The following EEF1D variants were observed in gnomAD, a reference collection of about 807,000 sequenced individuals.
EEF1D encodes the protein eukaryotic translation elongation factor 1 delta.
EEF1D carries 47 observed loss-of-function variants against 63.9 expected under a neutral mutation model. The ratio of observed to expected loss-of-function variants is 0.74; its 90% CI spans 0.58 to 0.94. The LOEUF (loss-of-function observed/expected upper bound fraction) is 0.94, where lower values mean the gene tolerates loss of function less well. Ranked by LOEUF, EEF1D falls within the 40% of genes least tolerant of loss-of-function variation. The pLI, the probability that EEF1D is intolerant of heterozygous loss-of-function variation, is 0.00. For synonymous variants in EEF1D, 412 were observed against 386.1 expected (o/e 1.07, Z -0.79); for missense variants, 907 against 899.0 (o/e 1.01, Z -0.11).
Position 143,580,198 on chromosome 8 carries a change from A to C in EEF1D, c.1719T>G (p.Asp573Glu). 3 of 1,612,986 alleles carry C rather than the reference A, an allele frequency of 1.9e-6. No individual in the cohort carries two copies. The highest frequency in any genetic ancestry group is 2.5e-6 in the Non-Finnish European group (3 of 1,179,514). ...SILLDVKPWDDETDMAQLEAC... is the reference protein window; with the variant it reads ...SILLDVKPWDEETDMAQLEAC... Reference sequence around the variant, plus strand: ...CCTCCAGCTGGGCCATGTCCGTCTCATCATCCCACTGTGGGGAAAGGGGAG... The same window carrying C: ...CCTCCAGCTGGGCCATGTCCGTCTCCTCATCCCACTGTGGGGAAAGGGGAG... Residue 573 changes from aspartate to glutamate, a missense_variant, in exon 9 of 10, where the codon GAT (aspartate) becomes GAG (glutamate). Asp to Glu is a conservative substitution (Grantham distance 45, BLOSUM62 2). Coordinates refer to ENST00000618139, the MANE Select transcript of EEF1D (RefSeq NM_001130053.5).
At chr8:143,586,136 A>C in intron 5 of EEF1D, 83 bp downstream of exon 5, 1 of 1,383,584 alleles carries the variant, frequency 7.2e-7, no homozygotes, top group Non-Finnish European at 1.0e-6. Flanking sequence ...TGTGAAGCCA[A>C]AACAACCAGC....
chr8:143,587,010 G>GCAT, intron 3 of EEF1D, 158 bp from the exon 4 acceptor site: 1 of 939,874 alleles, frequency 1.1e-6, no homozygotes, highest in Non-Finnish European at 1.6e-6. Flanking sequence ...ACCCCACATG[G>GCAT]CATCCCCAGG....
At chr8:143,588,683 G>C in intron 3 of EEF1D, 1 of 442,152 alleles carries the variant, frequency 2.3e-6, no homozygotes, top group Non-Finnish European at 4.1e-6. Context: ...AGCCACAGGG[G>C]ACTTGGGGAG....
chr8:143,581,581 G>A (rs1825576060), intron 5 of EEF1D: 2 of 561,686 alleles, frequency 3.6e-6, no homozygotes, highest in South Asian at 2.3e-5. Flanking sequence ...GTGGGGAGCT[G>A]GGCCATGGCT....
In EEF1D at chr8:143,589,597, C is replaced by T. The variant is rs747410243; in HGVS notation, c.485G>A (p.Gly162Glu). The part of the protein sequence containing the change: ...NQVACHHVTW[G>E]IWVNKSSFDQ... ...GAAGGAGGACTTGTTGACCCAGATC[C>T]CCCAGGTCACGTGGTGGCAGGCCAC... Residue 162 changes from glycine (G) to glutamate (E), a missense_variant, in exon 3 of 10, where the codon GGG (glycine) becomes GAG (glutamate). Physicochemically the swap from Gly to Glu is moderately conservative, Grantham distance 98. Transcript: ENST00000618139. The T allele has an allele frequency of 6.6e-6, 10 of 1,525,228 alleles. No homozygotes were observed. Among genetic ancestry groups the T allele is most frequent in the Admixed American group, 6.4e-5 (3 of 46,698 alleles). 94.5% of individuals were successfully genotyped at this position (1,525,228 alleles called of 1,614,324 possible).
In EEF1D at chr8:143,589,485, T is replaced by G. The variant is rs761666277; in HGVS notation, c.597A>C (p.Thr199=). 3 of 1,529,022 alleles carry G rather than the reference T, an allele frequency of 2.0e-6. No homozygotes were observed. The allele number at this position is 1,529,022 out of a possible 1,614,324, so 94.7% of individuals were successfully genotyped here. A position where few individuals can be genotyped will look rare whatever the true frequency, so the allele number is the denominator to read the frequency against. The stretch of plus-strand genomic sequence containing the variant: ...GGTCGGGGACGGCCACCTGCTGGCC[T>G]GTGTTGGGAGTCCCCTGCCTGCGGC... ...DGSRRQGTPN[T]GQQVAVPDLA... The change falls in exon 3 of 10, where the codon ACA becomes ACC. Residue 199 remains threonine, a synonymous_variant. Coordinates refer to ENST00000618139, the MANE Select transcript of EEF1D (RefSeq NM_001130053.5).
intron 1 of EEF1D, 126 bp from the exon 2 acceptor site, chr8:143,592,786 G>A: frequency 5.0e-6 from 4 of 797,180 alleles, no homozygotes; most frequent in Non-Finnish European, 6.1e-6. Flanking sequence ...GCGAGGTGGT[G>A]TGGAGGTGAC....
At position 143,590,149 on chromosome 8, in the gene EEF1D, G is replaced by A. The variant is rs372669692; in HGVS notation, c.1-68C>T. The A allele has an allele frequency of 8.3e-5, 132 of 1,593,440 alleles. 2 individuals carry two copies. Among genetic ancestry groups the A allele is most frequent in the East Asian group, 4.7e-4 (21 of 44,590 alleles). Reference sequence around the variant, plus strand: ...CAACACAGCGGGTGGCCGCAGCCCCGTGCCCACCCTCCCCGTGCCCGCCCT... The same window carrying A: ...CAACACAGCGGGTGGCCGCAGCCCCATGCCCACCCTCCCCGTGCCCGCCCT... On this transcript the variant is annotated intron_variant, in intron 2 of 9. Transcript: ENST00000618139.
At chr8:143,583,581 G>A (rs1364201749) in intron 5 of EEF1D, 1 of 152,278 alleles carries the variant, frequency 6.6e-6, no homozygotes, top group African/African-American at 2.4e-5. Flanking sequence ...AAGCCAGTGG[G>A]CAGAACGCAA....
intron 1 of EEF1D, among the ~76,000 whole-genome samples, chr8:143,595,235 A>ATTT (rs33997031): frequency 6.6e-6 from 1 of 151,660 alleles, no homozygotes; most frequent in Non-Finnish European, 1.5e-5. Context: ...ACACCTGGCT[A>ATTT]TTTTTTCATA....
intron 4 of EEF1D, among the ~76,000 whole-genome samples, chr8:143,586,492 G>C (rs568319812): frequency 6.6e-6 from 1 of 152,232 alleles, no homozygotes; most frequent in Non-Finnish European, 1.5e-5. Context: ...GCGGGGGAAG[G>C]AGTGCCAGGC....
chr8:143,580,965 A>G, intron 7 of EEF1D, 89 bp downstream of exon 7: 3 of 1,422,406 alleles, frequency 2.1e-6, no homozygotes, highest in Non-Finnish European at 2.9e-6. Flanking sequence ...CCAGCTCATC[A>G]CTGCTGCTGG....
Position 143,580,715 on chromosome 8 carries a change from T to C in EEF1D, c.1501A>G (p.Met501Val), listed in dbSNP as rs546733114. The C allele has an allele frequency of 3.1e-6, 5 of 1,613,266 alleles. No individual in the cohort carries two copies. The East Asian group carries it at 8.9e-5, about 29-fold the overall frequency. The change falls in exon 8 of 10, where the codon ATG (methionine) becomes GTG (valine). Residue 501 changes from methionine (M) to valine (V), a missense_variant. Transcript: ENST00000618139. The part of the protein sequence containing the change: ...TAPQTQHVSP[M>V]RQVEPPAKKP... ...TTGGCTGGGGGCTCCACTTGGCGCA[T>C]GGGAGATACGTGCTGCCACAGGGGA...
At chr8:143,592,542 C>A in intron 2 of EEF1D, 105 bp downstream of exon 2, 1 of 940,856 alleles carries the variant, frequency 1.1e-6, no homozygotes. Flanking sequence ...TCTGGGCAGA[C>A]TGGGCCATGC....
rs1827396942 is a variant in EEF1D, at chr8:143,589,293, C to T, written c.789G>A (p.Glu263=). The change falls in exon 3 of 10, where the codon GAG becomes GAA. Residue 263 remains glutamate, a synonymous_variant. Transcript: ENST00000618139. ...GGGCACCCTCGGCCAGGCCGGCTCGCTCTTGCAGGCGCACCTTCCCTGGGG... is the reference window on the plus strand; with the variant it reads ...GGGCACCCTCGGCCAGGCCGGCTCGTTCTTGCAGGCGCACCTTCCCTGGGG... ...GHPPGKVRLQ[E]RAGLAEGARR... is the part of the protein sequence containing the mutation. The T allele has an allele frequency of 3.7e-5, 58 of 1,586,362 alleles. No homozygotes were observed. Among genetic ancestry groups the T allele is most frequent in the Non-Finnish European group, 4.9e-5 (57 of 1,165,756 alleles).
Position 143,580,653 on chromosome 8 carries a change from ATCATCCTCG to A in EEF1D, c.1554_1562del (p.Glu519_Asp521del), listed in dbSNP as rs942352760. ...TGTCACTGCCAAACAGGTCAATGTC[ATCATCCTCG>A]TCATCCTCTGCTGGTGTGGCTGGCT... On this transcript the variant is annotated inframe_deletion, in exon 8 of 10. Coordinates refer to ENST00000618139, the MANE Select transcript of EEF1D (RefSeq NM_001130053.5). The A allele has an allele frequency of 1.2e-5, 20 of 1,613,812 alleles. No individual in the cohort carries two copies. In the East Asian group the frequency reaches 1.3e-4, roughly 11 times the overall value.
Position 143,581,483 on chromosome 8 carries a change from GAGGTGGCGGCCACCAC to G in EEF1D, c.1288-171_1288-156del. On this transcript the variant is annotated intron_variant, in intron 5 of 9. Coordinates refer to ENST00000618139, the MANE Select transcript of EEF1D (RefSeq NM_001130053.5). ...TGCCCAGCTCAAACTTATGACCTCA[GAGGTGGCGGCCACCAC>G]AGACCACAGTGAAATTCTCAGCCAG... 4.6e-6 allele frequency: 3 copies of G among 655,466 alleles called. 1 individual carries two copies. In the South Asian group the frequency reaches 5.8e-5, roughly 13 times the overall value. 40.6% of individuals were successfully genotyped at this position (655,466 alleles called of 1,614,324 possible).
At chr8:143,593,370 T>A (rs1404772102) in intron 1 of EEF1D, among the ~76,000 whole-genome samples, 1 of 152,148 alleles carries the variant, frequency 6.6e-6, no homozygotes, top group Non-Finnish European at 1.5e-5. Flanking sequence ...AGCCACCTCA[T>A]AAACCCTGCA....
chr8:143,580,735 A>G lies in EEF1D; in HGVS notation c.1489-8T>C, dbSNP rs1825328563. 6.2e-7 allele frequency: 1 copy of G among 1,612,138 alleles called. No homozygotes were observed. The highest frequency in any genetic ancestry group is 1.1e-5 in the South Asian group (1 of 91,076). On this transcript the variant is annotated splice_region_variant and splice_polypyrimidine_tract_variant and intron_variant, in intron 7 of 9. Coordinates refer to ENST00000618139, the MANE Select transcript of EEF1D (RefSeq NM_001130053.5). ...GCGCATGGGAGATACGTGCTGCCAC[A>G]GGGGAAGGGACAGGAGGCACGGCTG...
Sources: gnomAD v4.1 joint callset for allele counts (sites outside exome capture counted in the v4.1 genomes callset) on GRCh38, gnomAD v4.1.1 for gene constraint, MANE v1.5 for transcripts, NCBI Gene and HGNC (gene_info 2026-07-23, HGNC 2026-07-21) for gene names.